The following BTRC variants were observed in gnomAD, a reference collection of about 807,000 sequenced individuals.
The protein encoded by BTRC is F-box/WD repeat-containing protein 1A.
Under a neutral mutation model 85.5 loss-of-function variants are expected in BTRC, and 42 were observed. The ratio of observed to expected loss-of-function variants is 0.49; its 90% CI spans 0.38 to 0.64. The LOEUF (loss-of-function observed/expected upper bound fraction) is 0.64. Among genes scored for constraint, BTRC ranks in the 30% least tolerant of loss-of-function variants. The probability of loss-of-function intolerance (pLI) is 0.00; values close to 1 mark genes in which losing one functional copy is unlikely to be tolerated. For synonymous variants in BTRC, 255 were observed against 263.3 expected, an observed-to-expected ratio of 0.97 and a Z score of 0.30; for missense variants, 594 against 743.5, an observed-to-expected ratio of 0.80 and a Z score of 2.34.
intron 2 of BTRC, among the ~76,000 whole-genome samples, chr10:101,455,118 A>G (rs534076566): frequency 1.3e-4 from 20 of 151,724 alleles, no homozygotes; most frequent in African/African-American, 4.4e-4. Flanking sequence ...CTAGAGCACA[A>G]TGGCATGATT....
intron 2 of BTRC, among the ~76,000 whole-genome samples, chr10:101,454,954 G>C (rs1203906784): frequency 6.6e-6 from 1 of 151,950 alleles, no homozygotes; most frequent in East Asian, 1.9e-4. Flanking sequence ...CTTCATATTT[G>C]ATTTCATAGA....
chr10:101,505,159 A>G (rs375357057), intron 4 of BTRC, among the ~76,000 whole-genome samples: 136 of 19,350 alleles, frequency 7.0e-3, no homozygotes, highest in Middle Eastern at 0.048. Context: ...ATGTATATGT[A>G]TATATATATA....
At position 101,554,647 on chromosome 10, in the gene BTRC, T is replaced by C. The variant is rs1241845296; in HGVS notation, c.*1524T>C. 1 of 152,586 alleles carries C rather than the reference T, an allele frequency of 6.6e-6. No homozygotes were observed. The highest frequency in any genetic ancestry group is 1.5e-5 in the Non-Finnish European group (1 of 68,038). 9.5% of individuals were successfully genotyped at this position (152,586 alleles called of 1,614,324 possible). Reference sequence around the variant, plus strand: ...CTCCTGACCTTATTTTGCTCTTCACTCTCCCCAGCCAATAAAGCGTCTGTG... The same window carrying C: ...CTCCTGACCTTATTTTGCTCTTCACCCTCCCCAGCCAATAAAGCGTCTGTG... On this transcript the variant is annotated 3_prime_UTR_variant, in exon 15 of 15. Coordinates refer to ENST00000370187, the MANE Select transcript of BTRC (RefSeq NM_033637.4).
chr10:101,408,551 C>A (rs1383805418), intron 1 of BTRC, among the ~76,000 whole-genome samples: 1 of 152,192 alleles, frequency 6.6e-6, no homozygotes, highest in African/African-American at 2.4e-5. Flanking sequence ...AAGCGATCTG[C>A]CACCTGGGCC....
At chr10:101,432,169 C>T (rs1407672698) in intron 2 of BTRC, among the ~76,000 whole-genome samples, 1 of 149,770 alleles carries the variant, frequency 6.7e-6, no homozygotes. Context: ...GCTCTGTTGT[C>T]CAGGCTAGAG....
chr10:101,530,545 A>G (rs1194554749), intron 6 of BTRC, among the ~76,000 whole-genome samples: 2 of 152,132 alleles, frequency 1.3e-5, no homozygotes, highest in East Asian at 3.8e-4. Context: ...GGTAATAGTT[A>G]CCATTACTAA....
chr10:101,538,483 T>C (rs1251493692), intron 13 of BTRC, 112 bp downstream of exon 13: 13 of 940,080 alleles, frequency 1.4e-5, no homozygotes, highest in Non-Finnish European at 2.2e-5. Flanking sequence ...TCACAAAACC[T>C]ACAACTAAGT....
chr10:101,464,513 C>T (rs1198107214), intron 3 of BTRC, among the ~76,000 whole-genome samples: 1 of 150,996 alleles, frequency 6.6e-6, no homozygotes, highest in East Asian at 2.0e-4. Context: ...CTCCCCCTGC[C>T]CACTTTAATT....
Position 101,482,453 on chromosome 10 carries a change from T to TGG in BTRC, c.324+2997_324+2998dup, listed in dbSNP as rs1277308605. ...CTCTGTCACCCAGGTTGGAGTGCAG[T>TGG]GGCATGATCTCGGCTCACTGCAAGC... On this transcript the variant is annotated intron_variant, in intron 4 of 14. Transcript: ENST00000370187. 1.6e-4 allele frequency among the ~76,000 whole-genome samples: 23 copies of TGG among 145,496 alleles called. 1 individual carries two copies. In the East Asian group the frequency reaches 4.2e-3, roughly 26 times the overall value.
chr10:101,476,220 G>A (rs1945683253), intron 3 of BTRC, among the ~76,000 whole-genome samples: 1 of 151,872 alleles, frequency 6.6e-6, no homozygotes, highest in African/African-American at 2.4e-5. Flanking sequence ...TGAAAGACAA[G>A]GAAAGACTGA....
At chr10:101,357,083 C>G (rs533912652) in intron 1 of BTRC, among the ~76,000 whole-genome samples, 7 of 150,696 alleles carry the variant, frequency 4.6e-5, no homozygotes, top group Admixed American at 3.3e-4. Flanking sequence ...GAGCCAAGAT[C>G]GCGCCACTGC....
chr10:101,541,839 T>C (rs2062473821), intron 13 of BTRC, among the ~76,000 whole-genome samples: 1 of 152,218 alleles, frequency 6.6e-6, no homozygotes, highest in South Asian at 2.1e-4. Flanking sequence ...CTAATATCTT[T>C]TTAAGGATTT....
At chr10:101,448,003 T>C (rs1287899396) in intron 2 of BTRC, among the ~76,000 whole-genome samples, 1 of 152,104 alleles carries the variant, frequency 6.6e-6, no homozygotes, top group East Asian at 1.9e-4. Flanking sequence ...GAACAGAAAA[T>C]GTACATTTCT....
At chr10:101,485,005 C>T (rs536439433) in intron 4 of BTRC, among the ~76,000 whole-genome samples, 2 of 152,088 alleles carry the variant, frequency 1.3e-5, no homozygotes, top group African/African-American at 2.4e-5. Flanking sequence ...TCTAGATGTG[C>T]GTGCCGTTTA....
At chr10:101,462,609 G>A (rs1377355052) in intron 3 of BTRC, among the ~76,000 whole-genome samples, 2 of 150,908 alleles carry the variant, frequency 1.3e-5, no homozygotes, top group African/African-American at 4.9e-5. Flanking sequence ...AACCCCAGAG[G>A]CAGAGGTTGC....
At chr10:101,396,044 G>C (rs1391563970) in intron 1 of BTRC, among the ~76,000 whole-genome samples, 1 of 151,750 alleles carries the variant, frequency 6.6e-6, no homozygotes, top group African/African-American at 2.4e-5. Flanking sequence ...CTTTGTAGTT[G>C]ATCAAAGTTA....
intron 1 of BTRC, among the ~76,000 whole-genome samples, chr10:101,425,976 T>C (rs1353395098): frequency 1.3e-5 from 2 of 152,208 alleles, no homozygotes; most frequent in Non-Finnish European, 2.9e-5. Flanking sequence ...ATTTATTAAA[T>C]GTTGAAGGAC....
intron 4 of BTRC, among the ~76,000 whole-genome samples, chr10:101,513,612 A>G (rs2061984839): frequency 1.3e-5 from 2 of 152,114 alleles, no homozygotes; most frequent in Admixed American, 1.3e-4. Context: ...TCTGTGGTTT[A>G]TTCTTTTTGT....
intron 2 of BTRC, among the ~76,000 whole-genome samples, chr10:101,448,241 G>A (rs1379002196): frequency 6.6e-6 from 1 of 152,000 alleles, no homozygotes; most frequent in Non-Finnish European, 1.5e-5. Flanking sequence ...ATAGAAAAAG[G>A]CAGTTCCTTC....
Sources: gnomAD v4.1 joint callset for allele counts (sites outside exome capture counted in the v4.1 genomes callset) on GRCh38, gnomAD v4.1.1 for gene constraint, MANE v1.5 for transcripts, NCBI Gene and HGNC (gene_info 2026-07-23, HGNC 2026-07-21) for gene names.